TBC1D14: variants seen among roughly 807,000 people sequenced by gnomAD.
The protein encoded by TBC1D14 is TBC1 domain family member 14.
In TBC1D14, 26 loss-of-function variants were observed where a neutral mutation model predicts 79.0. The ratio of observed to expected loss-of-function variants is 0.33; its 90% CI spans 0.24 to 0.46. The LOEUF is 0.46. Ranked by LOEUF, TBC1D14 falls within the 20% of genes least tolerant of loss-of-function variation. TBC1D14 has a pLI of 1.00. For synonymous variants in TBC1D14, 394 were observed against 349.9 expected (o/e 1.13, Z -1.40); for missense variants, 769 against 887.6 (o/e 0.87, Z 1.70).
At chr4:6,969,689 G>A (rs954451045) in intron 3 of TBC1D14, among the ~76,000 whole-genome samples, 1 of 151,428 alleles carries the variant, frequency 6.6e-6, no homozygotes, top group Non-Finnish European at 1.5e-5. Context: ...ACAGGCATGA[G>A]CCACCATGCC....
intron 2 of TBC1D14, among the ~76,000 whole-genome samples, chr4:6,929,594 A>T (rs1000683096): frequency 6.6e-6 from 1 of 152,130 alleles, no homozygotes; most frequent in Non-Finnish European, 1.5e-5. Context: ...GTGCCGTAGC[A>T]TGAGGCGCTC....
intron 3 of TBC1D14, among the ~76,000 whole-genome samples, chr4:6,973,868 G>A (rs1362296906): frequency 2.0e-5 from 3 of 151,948 alleles, no homozygotes; most frequent in Non-Finnish European, 2.9e-5. Flanking sequence ...CTGTCACCCA[G>A]GCTGAAGTGC....
chr4:6,976,974 T>A (rs1374819681), intron 3 of TBC1D14, among the ~76,000 whole-genome samples: 4 of 149,764 alleles, frequency 2.7e-5, no homozygotes, highest in Admixed American at 2.7e-4. Context: ...CAATTTTAAA[T>A]AAATAGTTGA....
intron 3 of TBC1D14, among the ~76,000 whole-genome samples, chr4:6,976,331 C>T (rs543642749): frequency 1.7e-4 from 26 of 152,074 alleles, no homozygotes; most frequent in South Asian, 4.2e-4. Flanking sequence ...ATTCAGTGGC[C>T]GCCAAACAAA....
At chr4:6,958,078 C>T (rs1714820256) in intron 2 of TBC1D14, among the ~76,000 whole-genome samples, 1 of 152,004 alleles carries the variant, frequency 6.6e-6, no homozygotes, top group South Asian at 2.1e-4. Context: ...TCATCCTGCT[C>T]CCAGGTTCTC....
At chr4:6,979,033 A>T (rs1343187801) in intron 3 of TBC1D14, among the ~76,000 whole-genome samples, 1 of 152,208 alleles carries the variant, frequency 6.6e-6, no homozygotes, top group Non-Finnish European at 1.5e-5. Flanking sequence ...TTGAAGTAGT[A>T]AAATACTGAT....
rs76862418 is a variant in TBC1D14, at chr4:6,989,368, G to A, written c.844-4816G>A. On this transcript the variant is annotated intron_variant, in intron 3 of 13. Coordinates refer to ENST00000409757, the MANE Select transcript of TBC1D14 (RefSeq NM_020773.3). ...ACAACTTTGACTCTGCACCATTCCC[G>A]GTTCAAATCCTGGTGCTAGCCTGCT... is the stretch of plus-strand genomic sequence containing the variant. 1.6e-3 allele frequency among the ~76,000 whole-genome samples: 238 copies of A among 152,258 alleles called. 7 individuals are homozygous for A. In the East Asian group the frequency reaches 0.042, roughly 27 times the overall value.
chr4:7,017,734 G>A (rs559438750), intron 12 of TBC1D14, among the ~76,000 whole-genome samples: 1 of 152,306 alleles, frequency 6.6e-6, no homozygotes, highest in East Asian at 1.9e-4. Flanking sequence ...GCACCAGCTA[G>A]GATACAGTCT....
chr4:6,989,336 G>C (rs1255817745), intron 3 of TBC1D14, among the ~76,000 whole-genome samples: 1 of 152,138 alleles, frequency 6.6e-6, no homozygotes, highest in Non-Finnish European at 1.5e-5. Context: ...TTCAAATCTA[G>C]AGCAAAACAA....
chr4:6,960,265 T>C (rs1444548413), intron 2 of TBC1D14, among the ~76,000 whole-genome samples: 1 of 148,936 alleles, frequency 6.7e-6, no homozygotes, highest in Non-Finnish European at 1.5e-5. Context: ...TTTTTTTTTG[T>C]ATTTTTTGTA....
At chr4:6,965,747 C>T (rs1715645436) in intron 2 of TBC1D14, among the ~76,000 whole-genome samples, 1 of 152,172 alleles carries the variant, frequency 6.6e-6, no homozygotes. Context: ...CACTACCTTG[C>T]TCAGGTGAGT....
chr4:6,944,030 G>GA (rs1182713410), intron 2 of TBC1D14, among the ~76,000 whole-genome samples: 1 of 151,734 alleles, frequency 6.6e-6, no homozygotes, highest in East Asian at 1.9e-4. Flanking sequence ...CGTTCTGCCG[G>GA]GGGTTTGGGT....
At chr4:7,029,936 T>A (rs1722872946) in intron 13 of TBC1D14, among the ~76,000 whole-genome samples, 3 of 152,176 alleles carry the variant, frequency 2.0e-5, no homozygotes, top group Admixed American at 6.5e-5. Flanking sequence ...TGAGGCCTTC[T>A]CAGGTGGCAG....
chr4:6,957,088 G>C (rs966669789), intron 2 of TBC1D14, among the ~76,000 whole-genome samples: 4 of 152,256 alleles, frequency 2.6e-5, no homozygotes, highest in African/African-American at 7.2e-5. Flanking sequence ...TGCTCCTCTT[G>C]AGGGTGGCGC....
intron 1 of TBC1D14, among the ~76,000 whole-genome samples, chr4:6,917,952 G>A (rs189882592): frequency 2.0e-5 from 3 of 152,288 alleles, no homozygotes; most frequent in Admixed American, 2.0e-4. Flanking sequence ...GCAAGCGGAA[G>A]TACTTTTTCC....
chr4:7,023,289 C>T (rs750028897), intron 12 of TBC1D14, among the ~76,000 whole-genome samples: 19 of 152,130 alleles, frequency 1.2e-4, no homozygotes, highest in Admixed American at 2.0e-4. Flanking sequence ...AAAACATTGT[C>T]GTCTTTCCCC....
intron 3 of TBC1D14, among the ~76,000 whole-genome samples, chr4:6,987,812 G>A (rs1266216836): frequency 2.0e-5 from 3 of 152,228 alleles, no homozygotes; most frequent in Non-Finnish European, 4.4e-5. Context: ...CAGCAACCGG[G>A]CGTGTTAAAA....
chr4:7,003,860 C>T (rs1719914217), intron 7 of TBC1D14, among the ~76,000 whole-genome samples: 1 of 152,084 alleles, frequency 6.6e-6, no homozygotes, highest in East Asian at 1.9e-4. Context: ...AAAAATTCAC[C>T]AGGTGCGGTG....
chr4:6,963,183 CG>C (rs1453683118), intron 2 of TBC1D14, among the ~76,000 whole-genome samples: 1 of 152,184 alleles, frequency 6.6e-6, no homozygotes, highest in Non-Finnish European at 1.5e-5. Flanking sequence ...CTTCCCATGT[CG>C]GGGGTGGGAC....
Sources: allele counts gnomAD v4.1 joint callset (sites outside exome capture counted in the v4.1 genomes callset), GRCh38; gene constraint gnomAD v4.1.1; transcripts MANE v1.5; gene names NCBI Gene and HGNC (gene_info 2026-07-23, HGNC 2026-07-21).